Variants in MRPL38 observed in about 807,000 individuals in gnomAD.
MRPL38 encodes the protein mitochondrial ribosomal protein L38.
MRPL38 carries 51 observed loss-of-function variants against 52.1 expected under a neutral mutation model. The observed-to-expected ratio is 0.98, with a 90% confidence interval of 0.78 to 1.24. The LOEUF (loss-of-function observed/expected upper bound fraction) is 1.24. Among genes scored for constraint, MRPL38 ranks in the 50% most tolerant of loss-of-function variants. The pLI, the probability that MRPL38 is intolerant of heterozygous loss-of-function variation, is 0.00. For synonymous variants in MRPL38, 245 were observed against 212.7 expected (o/e 1.15, Z -1.32); for missense variants, 527 against 518.6 (o/e 1.02, Z -0.16).
chr17:75,904,408 C>T (rs1801592390), intron 2 of MRPL38, 132 bp downstream of exon 2: 3 of 958,384 alleles, frequency 3.1e-6, no homozygotes, highest in Admixed American at 4.2e-5. Flanking sequence ...CACAGGTCTG[C>T]AGGCAGGCCC....
At chr17:75,899,008 C>G (rs767642278) in intron 8 of MRPL38, 22 bp from the exon 9 acceptor site, 14 of 1,575,446 alleles carry the variant, frequency 8.9e-6, no homozygotes, top group Non-Finnish European at 1.2e-5. Flanking sequence ...GTGAGGGGTA[C>G]GGGGTGGTCT....
intron 6 of MRPL38, chr17:75,900,755 G>A (rs2065400207): frequency 1.5e-6 from 2 of 1,332,950 alleles, no homozygotes; most frequent in African/African-American, 1.5e-5. Context: ...AAAAGATGAG[G>A]AGGCTTGTGG....
intron 2 of MRPL38, chr17:75,902,410 A>T: frequency 2.1e-6 from 1 of 475,592 alleles, no homozygotes; most frequent in Non-Finnish European, 3.8e-6. Context: ...CAGCCATGGT[A>T]GCTAATTTAA....
Position 75,901,531 on chromosome 17 carries a change from A to G in MRPL38, c.591+181T>C. On this transcript the variant is annotated intron_variant, in intron 4 of 8. Coordinates refer to ENST00000309352, the MANE Select transcript of MRPL38 (RefSeq NM_032478.4). This position sits in a 1 kb window ranked among gnomAD's most constrained non-coding sequence, Gnocchi z 5.7. ...AGGCTGGTCACAGGAATGTGCTAAG[A>G]CAGAGCCTCTTTTTCCTTCATTTTG... 1 of 677,628 alleles carries G rather than the reference A, an allele frequency of 1.5e-6. No homozygotes were observed. The highest frequency in any genetic ancestry group is 2.4e-5 in the Admixed American group (1 of 40,908). 42.0% of individuals were successfully genotyped at this position (677,628 alleles called of 1,614,324 possible).
Position 75,899,251 on chromosome 17 carries a change from T to G in MRPL38, c.913A>C (p.Lys305Gln), listed in dbSNP as rs557094347. 7 of 1,612,346 alleles carry G rather than the reference T, an allele frequency of 4.3e-6. No homozygotes were observed. In the South Asian group the frequency reaches 6.6e-5, roughly 15 times the overall value. The change falls in exon 8 of 9, where the codon AAG becomes CAG. Residue 305 changes from lysine (K) to glutamine (Q), a missense_variant. Physicochemically the swap from Lys to Gln is moderately conservative, Grantham distance 53. Coordinates refer to ENST00000309352, the MANE Select transcript of MRPL38 (RefSeq NM_032478.4). ...GGAGTCATGGTTTCTTGGTGTTTCT[T>G]GTAGAAATCAAAAGTGCGGAAGGTC... Reference protein sequence around the residue: ...QRTFRTFDFYKKHQETMTPAG... With the variant: ...QRTFRTFDFYQKHQETMTPAG...
chr17:75,901,047 C>A lies in MRPL38; in HGVS notation c.665-20G>T. The A allele has an allele frequency of 1.9e-6, 3 of 1,610,164 alleles. No individual in the cohort carries two copies. Among genetic ancestry groups the A allele is most frequent in the Non-Finnish European group, 2.5e-6 (3 of 1,178,578 alleles). On this transcript the variant is annotated intron_variant, in intron 5 of 8. Transcript: ENST00000309352. The surrounding 1 kb of genome is among the most constrained non-coding windows in gnomAD (Gnocchi z 5.7). Reference sequence around the variant, plus strand: ...GCCCATCTGCACAAAAACACACCTGCTGACCACGGCCCAGCCGACCACGGC... The same window carrying A: ...GCCCATCTGCACAAAAACACACCTGATGACCACGGCCCAGCCGACCACGGC...
At chr17:75,904,770 G>GGGGGGCCCCCCC in intron 1 of MRPL38, 39 bp downstream of exon 1, 4 of 500,008 alleles carry the variant, frequency 8.0e-6, no homozygotes, top group Non-Finnish European at 1.1e-5. Flanking sequence ...TCGGGCGACA[G>GGGGGGCCCCCCC]CCCCCCCCCC....
At chr17:75,903,443 A>G (rs766382015) in intron 2 of MRPL38, among the ~76,000 whole-genome samples, 2 of 152,108 alleles carry the variant, frequency 1.3e-5, no homozygotes, top group Admixed American at 6.5e-5. Flanking sequence ...ACGAAAACAT[A>G]CTGAGCCCTC....
At position 75,904,307 on chromosome 17, in the gene MRPL38, T is replaced by C. The variant is rs1276093107; in HGVS notation, c.247+233A>G. On this transcript the variant is annotated intron_variant, in intron 2 of 8. Transcript: ENST00000309352. ...TTTTAGGAGCAAATATTTTAGGAGCTGGAACTCTAATAGTAGGGGGAGCGA... is the reference window on the plus strand; with the variant it reads ...TTTTAGGAGCAAATATTTTAGGAGCCGGAACTCTAATAGTAGGGGGAGCGA... 4.3e-6 allele frequency: 3 copies of C among 694,940 alleles called. No homozygotes were observed. In the South Asian group the frequency reaches 4.5e-5, roughly 10 times the overall value. The allele number at this position is 694,940 out of a possible 1,614,324, so 43.0% of individuals were successfully genotyped here.
At chr17:75,904,461 C>T (rs1415391762) in intron 2 of MRPL38, 79 bp downstream of exon 2, 2 of 1,423,110 alleles carry the variant, frequency 1.4e-6, no homozygotes, top group Non-Finnish European at 1.9e-6. Flanking sequence ...GCAAGGCTCG[C>T]CCAGCGCCCG....
intron 2 of MRPL38, 49 bp from the exon 3 acceptor site, chr17:75,902,203 C>A: frequency 6.5e-7 from 1 of 1,535,576 alleles, no homozygotes; most frequent in Non-Finnish European, 8.8e-7. Flanking sequence ...CTCACTGCAG[C>A]CTTAACCTCC....
At position 75,899,523 on chromosome 17, in the gene MRPL38, A is replaced by AG; in HGVS notation, c.861dup (p.Ser288LeufsTer15). ...GTGGGTGGTGTAGATTACCAGGGTG[A>AG]GGGGCGTGCGTCCTCAGAGAAGTCA... On this transcript the variant is annotated frameshift_variant, in exon 7 of 9. Coordinates refer to ENST00000309352, the MANE Select transcript of MRPL38 (RefSeq NM_032478.4). LOFTEE classifies it high-confidence loss of function. The AG allele has an allele frequency of 1.3e-6, 2 of 1,582,400 alleles. No homozygotes were observed. The highest frequency in any genetic ancestry group is 1.7e-6 in the Non-Finnish European group (2 of 1,160,116).
intron 1 of MRPL38, 22 bp downstream of exon 1, chr17:75,904,787 C>CCCCCCCCCCCCCCCCCCCCCCCCCCCGGG: frequency 7.7e-7 from 1 of 1,296,780 alleles, no homozygotes; most frequent in Non-Finnish European, 9.9e-7. Context: ...CCCCCCCCCC[C>CCCCCCCCCCCCCCCCCCCCCCCCCCCGGG]GCAGAGCTGC....
At position 75,901,116 on chromosome 17, in the gene MRPL38, C is replaced by T. The variant is rs546680683; in HGVS notation, c.664+85G>A. On this transcript the variant is annotated intron_variant, in intron 5 of 8. Transcript: ENST00000309352. The surrounding 1 kb of genome is among the most constrained non-coding windows in gnomAD (Gnocchi z 5.7). ...GTTAGGAGCCAGCGCTGGAGATCTC[C>T]ACCTGGCCCCTCCCCCAGCCCCCCA... 5 of 1,594,734 alleles carry T rather than the reference C, an allele frequency of 3.1e-6. No individual in the cohort carries two copies. The African/African-American group carries it at 5.4e-5, about 17-fold the overall frequency.
At position 75,899,525 on chromosome 17, in the gene MRPL38, G is replaced by A. The variant is rs766658607; in HGVS notation, c.860C>T (p.Pro287Leu). The stretch of plus-strand genomic sequence containing the variant: ...GGGTGGTGTAGATTACCAGGGTGAG[G>A]GGCGTGCGTCCTCAGAGAAGTCAAT... ...QPIDFSEDAR[P>L]SPCYQLAQRT... The change falls in exon 7 of 9, where the codon CCC becomes CTC. Residue 287 changes from proline (P) to leucine (L), a missense_variant. Transcript: ENST00000309352. 3 of 1,587,674 alleles carry A rather than the reference G, an allele frequency of 1.9e-6. No individual in the cohort carries two copies. Among genetic ancestry groups the A allele is most frequent in the Non-Finnish European group, 1.7e-6 (2 of 1,162,944 alleles).
chr17:75,900,720 CAAA>C (rs5822109), intron 6 of MRPL38: 21,300 of 1,012,758 alleles, frequency 0.021, no homozygotes, highest in South Asian at 0.038. Flanking sequence ...GACCCTGTCT[CAAA>C]AAAAAAAAAA....
rs1398526966 is a variant in MRPL38, at chr17:75,899,123, A to T, written c.1006+35T>A. The stretch of plus-strand genomic sequence containing the variant: ...CAGGGCAGGCGAGGCCTGGGAGCTC[A>T]GGCCCACCCAGTGCCCCAGCCCCAT... On this transcript the variant is annotated intron_variant, in intron 8 of 8. Transcript: ENST00000309352. 1.9e-6 allele frequency: 3 copies of T among 1,578,214 alleles called. No homozygotes were observed. In the East Asian group the frequency reaches 6.9e-5, roughly 36 times the overall value.
chr17:75,898,950 G>C lies in MRPL38; in HGVS notation c.1043C>G (p.Pro348Arg), dbSNP rs1313179920. 1.2e-6 allele frequency: 2 copies of C among 1,606,636 alleles called. No homozygotes were observed. The highest frequency in any genetic ancestry group is 2.2e-5 in the East Asian group (1 of 44,686). Reference sequence around the variant, plus strand: ...GCGCTTCTGCTTGGGGTGGTAAGGGGGCGGCCGCACGAACTCAAACACCGG... The same window carrying C: ...GCGCTTCTGCTTGGGGTGGTAAGGGCGCGGCCGCACGAACTCAAACACCGG... Reference protein sequence around the residue: ...REPVFEFVRPPPYHPKQKRFP... With the variant: ...REPVFEFVRPRPYHPKQKRFP... Residue 348 changes from proline (P) to arginine (R), a missense_variant, in exon 9 of 9, where the codon CCC becomes CGC. Pro to Arg is a moderately radical substitution (Grantham distance 103). Transcript: ENST00000309352.
intron 6 of MRPL38, chr17:75,900,149 G>A (rs2065397482): frequency 6.6e-6 from 1 of 152,572 alleles, no homozygotes; most frequent in Admixed American, 6.5e-5. Flanking sequence ...ACGGAAACCA[G>A]CCTCCCAGTC....
Sources: allele counts gnomAD v4.1 joint callset (sites outside exome capture counted in the v4.1 genomes callset), GRCh38; gene constraint gnomAD v4.1.1; non-coding constraint Gnocchi (gnomAD v3.1); transcripts MANE v1.5; gene names NCBI Gene and HGNC (gene_info 2026-07-23, HGNC 2026-07-21).